The following MAP4 variants were observed in gnomAD, a reference collection of about 807,000 sequenced individuals.
The protein encoded by MAP4 is microtubule associated protein 4.
MAP4 carries 76 observed loss-of-function variants against 170.2 expected under a neutral mutation model. The observed-to-expected ratio is 0.45, with a 90% confidence interval of 0.37 to 0.54. The LOEUF (loss-of-function observed/expected upper bound fraction) is 0.54, where lower values mean the gene tolerates loss of function less well. Among genes scored for constraint, MAP4 ranks in the 20% least tolerant of loss-of-function variants. The pLI is 0.00. For missense variants in MAP4, 2,506 were observed against 2,748.0 expected (o/e 0.91, Z 1.97); for synonymous variants, 909 against 994.5 (o/e 0.91, Z 1.62).
chr3:47,889,935 TAA>T (rs1192530675), intron 10 of MAP4, among the ~76,000 whole-genome samples: 2 of 135,886 alleles, frequency 1.5e-5, no homozygotes, highest in Non-Finnish European at 1.6e-5. Flanking sequence ...TTTATCTCCA[TAA>T]AAAAAAAAAA....
intron 10 of MAP4, among the ~76,000 whole-genome samples, chr3:47,889,184 A>G (rs2098165847): frequency 1.3e-5 from 2 of 152,242 alleles, no homozygotes; most frequent in Admixed American, 6.5e-5. Flanking sequence ...CAGAGGTCCC[A>G]AGAGAGATAT....
At position 47,910,783 on chromosome 3, in the gene MAP4, CCT is replaced by C. The variant is rs1308936890; in HGVS notation, c.3636_3637del (p.Gly1213GlnfsTer2). On this transcript the variant is annotated frameshift_variant, in exon 9 of 21. Coordinates refer to ENST00000683076, the MANE Select transcript of MAP4 (RefSeq NM_001385682.1). LOFTEE classifies it high-confidence loss of function. Reference sequence around the variant, plus strand: ...AAACTTTTTGCTTTTGCCTTCATTGCCTCTCTTTTTAGGCTTTTCAGAAATCC... The same window carrying C: ...AAACTTTTTGCTTTTGCCTTCATTGCCTCTTTTTAGGCTTTTCAGAAATCC... 4 of 1,535,994 alleles carry C rather than the reference CCT, an allele frequency of 2.6e-6. No homozygotes were observed. The highest frequency in any genetic ancestry group is 2.7e-5 in the African/African-American group (2 of 73,118).
At chr3:47,857,127 T>A (rs547458008) in intron 18 of MAP4, among the ~76,000 whole-genome samples, 1 of 152,316 alleles carries the variant, frequency 6.6e-6, no homozygotes, top group African/African-American at 2.4e-5. Context: ...TTAGAGCCAA[T>A]CCAGGTTCTC....
chr3:47,871,039 G>A lies in MAP4; in HGVS notation c.6068C>T (p.Thr2023Ile). The A allele has an allele frequency of 6.2e-7, 1 of 1,613,696 alleles. No homozygotes were observed. The highest frequency in any genetic ancestry group is 8.5e-7 in the Non-Finnish European group (1 of 1,179,686). ...SMKKTTTLSG[T>I]APAAGVVPSR... ...GGGAACCACCCCTGCAGCGGGGGCT[G>A]TCCCACTGAGAGTGGTGGTTTTCTT... The change falls in exon 15 of 21, where the codon ACA (threonine) becomes ATA (isoleucine). Residue 2023 changes from threonine (T) to isoleucine (I), a missense_variant. Thr to Ile is a moderately conservative substitution (Grantham distance 89, BLOSUM62 -1). This residue lies in a region of MAP4 where 487 missense variants were observed against 511.6 expected (regional missense o/e 0.95). Transcript: ENST00000683076.
chr3:47,898,034 T>C (rs2100027966), intron 10 of MAP4, among the ~76,000 whole-genome samples: 1 of 152,196 alleles, frequency 6.6e-6, no homozygotes. Context: ...AACTTCTGTT[T>C]CTAATTTCCA....
At chr3:48,018,658 C>A (rs1026045874), upstream of MAP4, among the ~76,000 whole-genome samples, 1 of 151,952 alleles carries the variant, frequency 6.6e-6, no homozygotes, top group Non-Finnish European at 1.5e-5. Flanking sequence ...CAAAAATTAG[C>A]CGGGCGTGGT....
Position 47,998,853 on chromosome 3 carries a change from T to C in MAP4, c.8A>G (p.Asp3Gly), listed in dbSNP as rs1483253726. 6.2e-7 allele frequency: 1 copy of C among 1,613,076 alleles called. No homozygotes were observed. The highest frequency in any genetic ancestry group is 2.2e-5 in the East Asian group (1 of 44,886). Residue 3 changes from aspartate (D) to glycine (G), a missense_variant, in exon 2 of 21, where the codon GAC becomes GGC. This residue lies in a region of MAP4 where 2,008 missense variants were observed against 2,206.0 expected (regional missense o/e 0.91). Transcript: ENST00000683076. MA[D>G]LSLADALTEP... Reference sequence around the variant, plus strand: ...TGTTAATGCATCTGCAAGACTGAGGTCAGCCATTCTGCACCACTGCAACTG... The same window carrying C: ...TGTTAATGCATCTGCAAGACTGAGGCCAGCCATTCTGCACCACTGCAACTG...
Position 47,851,003 on chromosome 3 carries a change from G to C in MAP4, c.*1931C>G, listed in dbSNP as rs1487688829. 1 of 152,374 alleles carries C rather than the reference G, an allele frequency of 6.6e-6. No individual in the cohort carries two copies. The highest frequency in any genetic ancestry group is 1.5e-5 in the Non-Finnish European group (1 of 68,226). The allele number at this position is 152,374 out of a possible 1,614,324, so 9.4% of individuals were successfully genotyped here. ...GACCTGGAACCTGTCGTCAACCTCA[G>C]CATCCTCATGACCCCAGGACAGACG... On this transcript the variant is annotated 3_prime_UTR_variant, in exon 21 of 21. Transcript: ENST00000683076.
chr3:47,892,021 G>C (rs1353177708), intron 10 of MAP4: 2 of 1,536,136 alleles, frequency 1.3e-6, no homozygotes, highest in African/African-American at 1.4e-5. Flanking sequence ...ACTGGCTCTT[G>C]GTCTCTAGTC....
intron 10 of MAP4, among the ~76,000 whole-genome samples, chr3:47,894,538 ACG>A (rs1469329275): frequency 6.6e-6 from 1 of 152,022 alleles, no homozygotes; most frequent in Non-Finnish European, 1.5e-5. Flanking sequence ...AGCTGAGATC[ACG>A]CCACTGCACT....
In MAP4 at chr3:47,852,827, G is replaced by A. The variant is rs561980054; in HGVS notation, c.*107C>T. 1.2e-4 allele frequency: 179 copies of A among 1,551,990 alleles called. No homozygotes were observed. The highest frequency in any genetic ancestry group is 1.5e-4 in the Non-Finnish European group (167 of 1,147,744). On this transcript the variant is annotated 3_prime_UTR_variant, in exon 21 of 21. Coordinates refer to ENST00000683076, the MANE Select transcript of MAP4 (RefSeq NM_001385682.1). ...GCCCGGGAAAGGGGGCCAAGGACCC[G>A]GGAGCCCGAGTTGGGGCCGCCAGGG...
chr3:47,881,049 GCT>G lies in MAP4; in HGVS notation c.5435-3528_5435-3527del, dbSNP rs764487404. Among the ~76,000 whole-genome samples the G allele has an allele frequency of 5.9e-5, 9 of 152,146 alleles. 1 individual carries two copies. Among genetic ancestry groups the G allele is most frequent in the Admixed American group, 4.6e-4 (7 of 15,270 alleles). On this transcript the variant is annotated intron_variant, in intron 10 of 20. Transcript: ENST00000683076. ...CAGTTTTTGTTTCATATATCTTGAT[GCT>G]CTGTTTTTTGGTGTGTATACATTTA...
chr3:47,987,518 T>A (rs755632849), intron 2 of MAP4: 28 of 899,422 alleles, frequency 3.1e-5, no homozygotes, highest in Admixed American at 8.6e-5. Flanking sequence ...GAACAACAAC[T>A]CTAGCAAAAG....
chr3:47,863,937 TGGGGAGTG>T (rs2074391323), intron 17 of MAP4, among the ~76,000 whole-genome samples: 2 of 138,352 alleles, frequency 1.4e-5, no homozygotes, highest in East Asian at 2.1e-4. Flanking sequence ...TGTGTGTGTG[TGGGGAGTG>T]GTGGGGGGTG....
At chr3:48,029,841 A>G (rs764814086) in intron 1 of MAP4, among the ~76,000 whole-genome samples, 1 of 151,752 alleles carries the variant, frequency 6.6e-6, no homozygotes, top group Admixed American at 6.6e-5. Flanking sequence ...CTATTAAAAT[A>G]CAAAAAATTA....
Position 47,909,757 on chromosome 3 carries a change from A to G in MAP4, c.4664T>C (p.Val1555Ala), listed in dbSNP as rs766291473. 41 of 1,613,894 alleles carry G rather than the reference A, an allele frequency of 2.5e-5. No homozygotes were observed. The highest frequency in any genetic ancestry group is 3.2e-5 in the Non-Finnish European group (38 of 1,179,906). ...TGAATGCTTAGACGCACCACTGTGC[A>G]CTGACTCAGATTCTCCTATCACATG... The part of the protein sequence containing the change: ...EGHVIGESES[V>A]HSGASKHSVE... The change falls in exon 9 of 21, where the codon GTG becomes GCG. Residue 1555 changes from valine (V) to alanine (A), a missense_variant. Transcript: ENST00000683076.
At position 47,859,085 on chromosome 3, in the gene MAP4, T is replaced by C. The variant is rs556952608; in HGVS notation, c.6502-1573A>G. Among the ~76,000 whole-genome samples, 28 of 151,994 alleles carry C rather than the reference T, an allele frequency of 1.8e-4. No individual in the cohort carries two copies. The East Asian group carries it at 5.4e-3, about 29-fold the overall frequency. ...CAGAGCTTGCAGTGAGCCGAGATCG[T>C]GCCACTGCACTCCAGCCTGGGCAAC... On this transcript the variant is annotated intron_variant, in intron 17 of 20. Coordinates refer to ENST00000683076, the MANE Select transcript of MAP4 (RefSeq NM_001385682.1).
chr3:48,019,715 G>A (rs547372451), upstream of MAP4, among the ~76,000 whole-genome samples: 11 of 152,160 alleles, frequency 7.2e-5, no homozygotes, highest in African/African-American at 2.6e-4. Context: ...TTGAGACTGC[G>A]TCTCCACAGA....
chr3:47,959,716 G>A lies in MAP4; in HGVS notation c.292+18149C>T, dbSNP rs549196826. Among the ~76,000 whole-genome samples the A allele has an allele frequency of 5.4e-5, 8 of 148,184 alleles. No homozygotes were observed. In the South Asian group the frequency reaches 6.4e-4, roughly 12 times the overall value. ...GGAGCATGCAGTGAGCCAAGATCGC[G>A]CCGCTGCACTCCACCCTGGGCGACA... On this transcript the variant is annotated intron_variant, in intron 3 of 20. Coordinates refer to ENST00000683076, the MANE Select transcript of MAP4 (RefSeq NM_001385682.1).
Sources: allele counts gnomAD v4.1 joint callset (sites outside exome capture counted in the v4.1 genomes callset), GRCh38; gene constraint gnomAD v4.1.1; regional missense constraint gnomAD v4.1.1; transcripts MANE v1.5; gene names NCBI Gene and HGNC (gene_info 2026-07-23, HGNC 2026-07-21).